Variants in IQCM observed in about 807,000 individuals in gnomAD.
IQCM encodes IQ domain-containing protein M.
Under a neutral mutation model 57.6 loss-of-function variants are expected in IQCM, and 45 were observed. The observed-to-expected ratio is 0.78, with a 90% CI of 0.62 to 1.00. IQCM has a LOEUF of 1.00. IQCM is among the 50% of genes least tolerant of loss of function. IQCM has a pLI of 0.00. For missense variants in IQCM, 468 were observed against 511.6 expected (o/e 0.91, Z 0.82); for synonymous variants, 148 against 158.9 (o/e 0.93, Z 0.51).
intron 13 of IQCM, among the ~76,000 whole-genome samples, chr4:149,432,651 A>G (rs1734981921): frequency 6.6e-6 from 1 of 152,016 alleles, no homozygotes; most frequent in African/African-American, 2.4e-5. Context: ...ATCAAAATTG[A>G]AAACTTCTGC....
chr4:149,446,054 C>T (rs1329960820), intron 12 of IQCM, among the ~76,000 whole-genome samples: 1 of 151,702 alleles, frequency 6.6e-6, no homozygotes, highest in Non-Finnish European at 1.5e-5. Flanking sequence ...AGATAAATCA[C>T]CAAGGACTAA....
chr4:149,536,677 C>T (rs1029186129), intron 12 of IQCM, among the ~76,000 whole-genome samples: 10 of 151,874 alleles, frequency 6.6e-5, no homozygotes, highest in Admixed American at 5.3e-4. Context: ...CTTTTCACAG[C>T]ACATATTAAG....
At chr4:149,524,786 A>G (rs927942010) in intron 12 of IQCM, among the ~76,000 whole-genome samples, 1 of 151,846 alleles carries the variant, frequency 6.6e-6, no homozygotes, top group Non-Finnish European at 1.5e-5. Context: ...GAAGACATAC[A>G]AGACAATAAG....
chr4:149,472,237 A>C (rs1739648768), intron 12 of IQCM, among the ~76,000 whole-genome samples: 1 of 152,206 alleles, frequency 6.6e-6, no homozygotes, highest in South Asian at 2.1e-4. Flanking sequence ...ATCTCAGCCC[A>C]AAATCTCCTT....
chr4:149,509,616 G>C (rs988179214), intron 12 of IQCM, among the ~76,000 whole-genome samples: 22 of 151,986 alleles, frequency 1.4e-4, no homozygotes, highest in Non-Finnish European at 3.2e-4. Context: ...ATAATCTAAG[G>C]CCAAGAAAGG....
chr4:149,470,387 T>A (rs1739387194), intron 12 of IQCM, among the ~76,000 whole-genome samples: 1 of 151,454 alleles, frequency 6.6e-6, no homozygotes, highest in African/African-American at 2.4e-5. Context: ...GGCCATGACA[T>A]AATGGTAAAT....
Position 149,693,138 on chromosome 4 carries a change from C to T in IQCM, c.386-6670G>A, listed in dbSNP as rs114600393. Among the ~76,000 whole-genome samples the T allele has an allele frequency of 4.4e-3, 676 of 152,284 alleles. 2 individuals carry two copies. The highest frequency in any genetic ancestry group is 8.1e-3 in the Non-Finnish European group (550 of 68,014). ...GCTCAATCATTTGTTCATCTGAAAT[C>T]AATCATCCATTCAATTTCATTCACT... is the stretch of plus-strand genomic sequence containing the variant. On this transcript the variant is annotated intron_variant, in intron 5 of 13. Coordinates refer to ENST00000636793, the MANE Select transcript of IQCM (RefSeq NM_001363507.2).
At chr4:149,782,177 C>T (rs1580284185) in intron 2 of IQCM, among the ~76,000 whole-genome samples, 1 of 151,996 alleles carries the variant, frequency 6.6e-6, no homozygotes, top group East Asian at 1.9e-4. Flanking sequence ...ACCCATTCTG[C>T]CCATGTTATG....
intron 13 of IQCM, among the ~76,000 whole-genome samples, chr4:149,427,124 T>C (rs576442413): frequency 6.6e-6 from 1 of 152,058 alleles, no homozygotes; most frequent in East Asian, 1.9e-4. Context: ...TTTGAAAGCA[T>C]TCTATTTGAC....
At chr4:149,604,033 G>T (rs1579664757) in intron 8 of IQCM, among the ~76,000 whole-genome samples, 1 of 151,954 alleles carries the variant, frequency 6.6e-6, no homozygotes, top group Admixed American at 6.6e-5. Context: ...TGTATAAAAA[G>T]CTCTGAAAAC....
chr4:149,390,602 C>T (rs1042138906), intron 13 of IQCM, among the ~76,000 whole-genome samples: 2 of 151,908 alleles, frequency 1.3e-5, no homozygotes, highest in Non-Finnish European at 2.9e-5. Flanking sequence ...AATTCCCTTA[C>T]ATTCTCAGTT....
At chr4:149,799,551 G>T (rs1426379308) in intron 2 of IQCM, among the ~76,000 whole-genome samples, 1 of 151,514 alleles carries the variant, frequency 6.6e-6, no homozygotes, top group East Asian at 1.9e-4. Context: ...ACAAAAAGTT[G>T]GTTTTTTAAA....
chr4:149,582,201 T>G (rs1006993815), intron 9 of IQCM, among the ~76,000 whole-genome samples: 8 of 149,672 alleles, frequency 5.3e-5, no homozygotes, highest in Non-Finnish European at 1.2e-4. Context: ...TTGAGTCATC[T>G]GAGCCTGAGA....
chr4:149,429,178 CG>C lies in IQCM; in HGVS notation c.1390+4217del, dbSNP rs538794948. Among the ~76,000 whole-genome samples, 78 of 151,786 alleles carry C rather than the reference CG, an allele frequency of 5.1e-4. 1 individual carries two copies. The highest frequency in any genetic ancestry group is 1.8e-3 in the African/African-American group (73 of 41,468). ...ATTTGCCAAAGTCACAAAAGCTTAA[CG>C]AAGGAGAGAAACAAGTTGAGCATAT... is the stretch of plus-strand genomic sequence containing the variant. On this transcript the variant is annotated intron_variant, in intron 13 of 13. Coordinates refer to ENST00000636793, the MANE Select transcript of IQCM (RefSeq NM_001363507.2).
intron 12 of IQCM, among the ~76,000 whole-genome samples, chr4:149,445,613 G>A (rs760274010): frequency 2.0e-5 from 3 of 151,666 alleles, no homozygotes; most frequent in Non-Finnish European, 2.9e-5. Context: ...CCTGTGCTTA[G>A]GGTAATTGTT....
intron 13 of IQCM, among the ~76,000 whole-genome samples, chr4:149,379,968 T>C (rs542740198): frequency 6.6e-6 from 1 of 152,284 alleles, no homozygotes; most frequent in South Asian, 2.1e-4. Context: ...TGAATAAGTC[T>C]CATGAGATCT....
chr4:149,583,441 A>G (rs1425575489), intron 9 of IQCM, among the ~76,000 whole-genome samples: 1 of 151,600 alleles, frequency 6.6e-6, no homozygotes, highest in Non-Finnish European at 1.5e-5. Context: ...TATGAATTAA[A>G]GACCTATCAA....
chr4:149,376,675 T>A (rs1005187537), intron 13 of IQCM, among the ~76,000 whole-genome samples: 3 of 152,188 alleles, frequency 2.0e-5, no homozygotes, highest in Non-Finnish European at 4.4e-5. Context: ...GACTCTAACA[T>A]GAAACCAGAT....
intron 7 of IQCM, among the ~76,000 whole-genome samples, chr4:149,628,817 A>G (rs1347944507): frequency 6.6e-6 from 1 of 152,222 alleles, no homozygotes; most frequent in Non-Finnish European, 1.5e-5. Flanking sequence ...GAAGAAAAAC[A>G]TCTGCAAAGG....
Sources: allele counts gnomAD v4.1 joint callset (sites outside exome capture counted in the v4.1 genomes callset), GRCh38; gene constraint gnomAD v4.1.1; transcripts MANE v1.5; gene names NCBI Gene and HGNC (gene_info 2026-07-23, HGNC 2026-07-21).